The following CAMK4 variants were observed in gnomAD, a reference collection of about 807,000 sequenced individuals.
CAMK4 encodes the protein calcium/calmodulin-dependent protein kinase type IV.
A neutral mutation model predicts 44.9 loss-of-function variants in CAMK4; 22 were observed. The observed-to-expected ratio is 0.49, with a 90% CI of 0.35 to 0.70. The LOEUF (loss-of-function observed/expected upper bound fraction) is 0.70, where lower values mean the gene tolerates loss of function less well. Ranked by LOEUF, CAMK4 falls within the 30% of genes least tolerant of loss-of-function variation. The pLI is 0.01. For synonymous variants in CAMK4, 218 were observed against 215.4 expected, an observed-to-expected ratio of 1.01 and a Z score of -0.11; for missense variants, 498 against 586.8, an observed-to-expected ratio of 0.85 and a Z score of 1.56.
chr5:111,447,453 T>C lies in CAMK4; in HGVS notation c.550+677T>C, dbSNP rs143270362. Among the ~76,000 whole-genome samples the C allele has an allele frequency of 3.8e-3, 584 of 152,326 alleles. 7 individuals carry two copies. The highest frequency in any genetic ancestry group is 0.014 in the African/African-American group (567 of 41,580). ...AATTTACATATTATATCATATTCTA[T>C]GAGACTTTTTTAAAATTTTTACCAA... On this transcript the variant is annotated intron_variant, in intron 6 of 10. Transcript: ENST00000282356.
At chr5:111,318,895 A>G (rs1288832469) in intron 1 of CAMK4, among the ~76,000 whole-genome samples, 19 of 152,152 alleles carry the variant, frequency 1.2e-4, no homozygotes, top group Admixed American at 2.0e-4. Context: ...CAGTAAGTAG[A>G]TGTAAGTGGA....
At chr5:111,410,452 G>T (rs887911458) in intron 5 of CAMK4, among the ~76,000 whole-genome samples, 130 of 152,280 alleles carry the variant, frequency 8.5e-4, no homozygotes, top group Non-Finnish European at 1.4e-3. Flanking sequence ...TTTAAGGTGA[G>T]ATTTGGGTAG....
At chr5:111,262,385 A>T (rs1561370190) in intron 1 of CAMK4, among the ~76,000 whole-genome samples, 2 of 152,134 alleles carry the variant, frequency 1.3e-5, no homozygotes, top group South Asian at 2.1e-4. Flanking sequence ...ACAGAGGCTG[A>T]GAGGGTACTA....
At chr5:111,231,364 G>C (rs1039046290) in intron 1 of CAMK4, among the ~76,000 whole-genome samples, 1 of 152,140 alleles carries the variant, frequency 6.6e-6, no homozygotes. Context: ...TTGTTGTGGG[G>C]GCTGTCCTGT....
chr5:111,428,818 T>G (rs1753326112), intron 5 of CAMK4, among the ~76,000 whole-genome samples: 1 of 152,074 alleles, frequency 6.6e-6, no homozygotes, highest in South Asian at 2.1e-4. Context: ...TTCCCAAACC[T>G]AGAGAAAGAT....
chr5:111,441,270 A>G (rs1753813590), intron 5 of CAMK4, among the ~76,000 whole-genome samples: 1 of 152,170 alleles, frequency 6.6e-6, no homozygotes, highest in South Asian at 2.1e-4. Flanking sequence ...TTTATAATAT[A>G]TATTAAAAAT....
At chr5:111,437,812 A>T (rs1323384121) in intron 5 of CAMK4, among the ~76,000 whole-genome samples, 1 of 152,132 alleles carries the variant, frequency 6.6e-6, no homozygotes, top group Non-Finnish European at 1.5e-5. Flanking sequence ...GCTGGAGAGG[A>T]GCATAGGAAC....
intron 1 of CAMK4, among the ~76,000 whole-genome samples, chr5:111,267,854 AAT>A (rs34491502): frequency 0.26 from 39,184 of 151,912 alleles, 5,878 homozygotes; most frequent in African/African-American, 0.42. Context: ...TATTAGTGAG[AAT>A]GCTGATGAAC....
intron 5 of CAMK4, among the ~76,000 whole-genome samples, chr5:111,437,118 A>C (rs1753673669): frequency 6.6e-6 from 1 of 152,234 alleles, no homozygotes; most frequent in South Asian, 2.1e-4. Context: ...CACTGAGGTG[A>C]CTAAGTATTA....
intron 5 of CAMK4, among the ~76,000 whole-genome samples, chr5:111,415,541 T>C (rs1752785287): frequency 6.6e-6 from 1 of 152,248 alleles, no homozygotes; most frequent in African/African-American, 2.4e-5. Flanking sequence ...AAATATGTTC[T>C]AGCCACAAAA....
chr5:111,273,770 T>C (rs1394392085), intron 1 of CAMK4, among the ~76,000 whole-genome samples: 3 of 141,918 alleles, frequency 2.1e-5, no homozygotes, highest in Admixed American at 2.1e-4. Flanking sequence ...CACACACACA[T>C]ATATACACAC....
In CAMK4 at chr5:111,383,356, A is replaced by G. The variant is rs895269294; in HGVS notation, c.386+6414A>G. Among the ~76,000 whole-genome samples, 6 of 152,220 alleles carry G rather than the reference A, an allele frequency of 3.9e-5. No homozygotes were observed. In the South Asian group the frequency reaches 8.3e-4, roughly 21 times the overall value. ...ATTTTGAAAAAGAAAGACTTTTGGA[A>G]TAAGTTGGAAGACACTGTTGGGACT... On this transcript the variant is annotated intron_variant, in intron 4 of 10. Transcript: ENST00000282356.
chr5:111,360,728 A>C (rs1029271382), intron 2 of CAMK4, among the ~76,000 whole-genome samples: 3 of 152,092 alleles, frequency 2.0e-5, no homozygotes, highest in African/African-American at 7.2e-5. Flanking sequence ...GCTGGGAAGG[A>C]CTGAGCTGAC....
At chr5:111,231,002 CA>C (rs1337312540) in intron 1 of CAMK4, among the ~76,000 whole-genome samples, 14 of 152,048 alleles carry the variant, frequency 9.2e-5, no homozygotes, top group Non-Finnish European at 1.5e-5. Flanking sequence ...CAGCTAGAGT[CA>C]AGGTTTTACT....
chr5:111,291,129 T>C (rs1365758511), intron 1 of CAMK4, among the ~76,000 whole-genome samples: 1 of 152,232 alleles, frequency 6.6e-6, no homozygotes, highest in Admixed American at 6.5e-5. Flanking sequence ...AATTATTGAA[T>C]GTAGGAGATA....
chr5:111,325,879 A>G (rs935709951), intron 1 of CAMK4, among the ~76,000 whole-genome samples: 6 of 152,108 alleles, frequency 3.9e-5, no homozygotes, highest in African/African-American at 9.7e-5. Flanking sequence ...GATAAAGAAA[A>G]TAATTAAAGG....
chr5:111,395,092 C>G (rs1251282282), intron 5 of CAMK4, among the ~76,000 whole-genome samples: 1 of 150,794 alleles, frequency 6.6e-6, no homozygotes, highest in African/African-American at 2.4e-5. Flanking sequence ...ACCTGTAATT[C>G]CAACTACTTC....
intron 4 of CAMK4, among the ~76,000 whole-genome samples, chr5:111,383,283 G>A (rs188364937): frequency 3.9e-4 from 60 of 152,294 alleles, no homozygotes; most frequent in African/African-American, 1.1e-3. Context: ...TTCCTCTGAA[G>A]CAGAAAGAAA....
In CAMK4 at chr5:111,406,569, G is replaced by T. The variant is rs74377636; in HGVS notation, c.459+11787G>T. Among the ~76,000 whole-genome samples the T allele has an allele frequency of 3.6e-3, 547 of 151,690 alleles. 5 individuals carry two copies. The highest frequency in any genetic ancestry group is 0.012 in the African/African-American group (500 of 41,340). ...CTTCTTTTTCCTTTGCTTTATTTGA[G>T]AACTAATGATTAATTAAAGAACAAT... is the stretch of plus-strand genomic sequence containing the variant. On this transcript the variant is annotated intron_variant, in intron 5 of 10. Transcript: ENST00000282356.
Sources: gnomAD v4.1 joint callset for allele counts (sites outside exome capture counted in the v4.1 genomes callset) on GRCh38, gnomAD v4.1.1 for gene constraint, MANE v1.5 for transcripts, NCBI Gene and HGNC (gene_info 2026-07-23, HGNC 2026-07-21) for gene names.